The following PCDH9 variants were observed in gnomAD, a reference collection of about 807,000 sequenced individuals.
PCDH9 encodes protocadherin-9.
A neutral mutation model predicts 70.6 loss-of-function variants in PCDH9; 24 were observed. That is an observed-to-expected ratio of 0.34 (90% CI 0.25 to 0.48). The LOEUF is 0.48. Ranked by LOEUF, PCDH9 falls within the 20% of genes least tolerant of loss-of-function variation. The pLI, the probability that PCDH9 is intolerant of heterozygous loss-of-function variation, is 0.99. For missense variants in PCDH9, 1,281 were observed against 1,503.6 expected (o/e 0.85, Z 2.45); for synonymous variants, 562 against 558.5 (o/e 1.01, Z -0.09).
intron 4 of PCDH9, among the ~76,000 whole-genome samples, chr13:66,518,638 G>A (rs1024576268): frequency 6.6e-6 from 1 of 151,900 alleles, no homozygotes; most frequent in Admixed American, 6.6e-5. Flanking sequence ...TACACTCTAG[G>A]GATAAACCAA....
intron 2 of PCDH9, among the ~76,000 whole-genome samples, chr13:67,045,563 CAAAA>C (rs1174083000): frequency 7.0e-6 from 1 of 143,248 alleles, no homozygotes; most frequent in Non-Finnish European, 1.5e-5. Flanking sequence ...GAAAAACAAA[CAAAA>C]AAAAAACAGA....
At chr13:66,789,482 A>C (rs2080130000) in intron 3 of PCDH9, among the ~76,000 whole-genome samples, 1 of 152,176 alleles carries the variant, frequency 6.6e-6, no homozygotes, top group Non-Finnish European at 1.5e-5. Context: ...ATATGGCACA[A>C]ATCTATCCAC....
intron 3 of PCDH9, among the ~76,000 whole-genome samples, chr13:66,701,962 G>A (rs1049798333): frequency 6.6e-6 from 1 of 152,094 alleles, no homozygotes; most frequent in Non-Finnish European, 1.5e-5. Context: ...CCCAAAGTCA[G>A]GAAGCTGGGC....
intron 3 of PCDH9, among the ~76,000 whole-genome samples, chr13:66,745,209 TTGA>T (rs951545575): frequency 6.6e-6 from 1 of 152,190 alleles, no homozygotes; most frequent in Non-Finnish European, 1.5e-5. Context: ...AGTATTGTTG[TTGA>T]TGATGATCTG....
intron 3 of PCDH9, among the ~76,000 whole-genome samples, chr13:66,731,469 T>C (rs2079079387): frequency 6.6e-6 from 1 of 152,176 alleles, no homozygotes; most frequent in East Asian, 1.9e-4. Context: ...TACTCCATAT[T>C]GTATCATTAG....
intron 3 of PCDH9, among the ~76,000 whole-genome samples, chr13:66,687,668 T>C (rs1204210226): frequency 6.6e-6 from 1 of 152,144 alleles, no homozygotes; most frequent in Non-Finnish European, 1.5e-5. Context: ...TGAGTAGATA[T>C]GCAAACCCAA....
At chr13:66,921,224 G>A (rs2082631941) in intron 2 of PCDH9, among the ~76,000 whole-genome samples, 1 of 150,992 alleles carries the variant, frequency 6.6e-6, no homozygotes, top group Admixed American at 6.6e-5. Flanking sequence ...CAGATAATTG[G>A]TATACTGTCA....
chr13:66,666,072 G>A lies in PCDH9; in HGVS notation c.3139-34661C>T, dbSNP rs565780971. On this transcript the variant is annotated intron_variant, in intron 3 of 4. Transcript: ENST00000377865. ...CAGATACTGTTGCAAATGAATCCAAGGCTAAGAACTGAGCATGCCACTGTG... is the reference window on the plus strand; with the variant it reads ...CAGATACTGTTGCAAATGAATCCAAAGCTAAGAACTGAGCATGCCACTGTG... Among the ~76,000 whole-genome samples, 11 of 152,322 alleles carry A rather than the reference G, an allele frequency of 7.2e-5. No homozygotes were observed. The East Asian group carries it at 2.1e-3, about 29-fold the overall frequency.
chr13:66,592,106 A>G (rs974276882), intron 4 of PCDH9, among the ~76,000 whole-genome samples: 1 of 151,740 alleles, frequency 6.6e-6, no homozygotes, highest in East Asian at 1.9e-4. Flanking sequence ...TGAAATACAA[A>G]TAAATACAAT....
chr13:66,886,859 G>A (rs1214477344), intron 3 of PCDH9, among the ~76,000 whole-genome samples: 3 of 151,962 alleles, frequency 2.0e-5, no homozygotes, highest in Non-Finnish European at 2.9e-5. Flanking sequence ...CAAACTATCT[G>A]AATATTCTAC....
At chr13:66,481,088 A>C (rs1227840984) in intron 4 of PCDH9, among the ~76,000 whole-genome samples, 1 of 152,040 alleles carries the variant, frequency 6.6e-6, no homozygotes, top group Non-Finnish European at 1.5e-5. Context: ...CTGACTCATA[A>C]GTGGGAGTCG....
chr13:66,675,403 C>T (rs1159623712), intron 3 of PCDH9, among the ~76,000 whole-genome samples: 1 of 152,036 alleles, frequency 6.6e-6, no homozygotes, highest in Non-Finnish European at 1.5e-5. Context: ...AAGTTGCAAA[C>T]TTAGTAGAGT....
chr13:66,327,779 G>A (rs1039159660), intron 4 of PCDH9, among the ~76,000 whole-genome samples: 10 of 152,248 alleles, frequency 6.6e-5, no homozygotes, highest in African/African-American at 2.2e-4. Context: ...GTGGATAAAT[G>A]TACTAGGTGA....
intron 4 of PCDH9, among the ~76,000 whole-genome samples, chr13:66,548,328 G>T (rs1455261543): frequency 2.6e-5 from 4 of 152,054 alleles, no homozygotes; most frequent in African/African-American, 9.7e-5. Flanking sequence ...ACTTTGGGAG[G>T]CCAAGGCGGG....
chr13:66,973,753 A>G (rs61959228), intron 2 of PCDH9, among the ~76,000 whole-genome samples: 3,426 of 152,030 alleles, frequency 0.023, 69 homozygotes, highest in Middle Eastern at 0.061. Flanking sequence ...AATTTTTTGT[A>G]TTACTTCTTA....
At chr13:67,043,227 G>A (rs1174791827) in intron 2 of PCDH9, among the ~76,000 whole-genome samples, 1 of 152,160 alleles carries the variant, frequency 6.6e-6, no homozygotes, top group Non-Finnish European at 1.5e-5. Context: ...GTTCCTGTTG[G>A]AATCAGCTTG....
At chr13:66,314,821 T>C (rs549392495) in intron 4 of PCDH9, among the ~76,000 whole-genome samples, 1 of 152,330 alleles carries the variant, frequency 6.6e-6, no homozygotes, top group South Asian at 2.1e-4. Flanking sequence ...ATTTTCACCC[T>C]AATCTCTGCG....
intron 2 of PCDH9, among the ~76,000 whole-genome samples, chr13:67,174,367 A>C (rs2088387198): frequency 6.6e-6 from 1 of 150,942 alleles, no homozygotes; most frequent in Admixed American, 6.6e-5. Flanking sequence ...AGGGAAGAAA[A>C]ATTTATCGCT....
At chr13:66,993,665 G>A (rs1312480154) in intron 2 of PCDH9, among the ~76,000 whole-genome samples, 1 of 152,180 alleles carries the variant, frequency 6.6e-6, no homozygotes, top group Admixed American at 6.5e-5. Flanking sequence ...AAGGGTGGGA[G>A]GAAAGCAATC....
Sources: allele counts gnomAD v4.1 joint callset (sites outside exome capture counted in the v4.1 genomes callset), GRCh38; gene constraint gnomAD v4.1.1; transcripts MANE v1.5; gene names NCBI Gene and HGNC (gene_info 2026-07-23, HGNC 2026-07-21).